Variants in LYST observed in about 807,000 individuals in gnomAD.
The protein encoded by LYST is lysosomal trafficking regulator, also known as lysosomal-trafficking regulator.
LYST carries 192 observed loss-of-function variants against 413.6 expected under a neutral mutation model. The observed-to-expected ratio is 0.46, with a 90% confidence interval of 0.41 to 0.52. LYST has a LOEUF of 0.52. Ranked by LOEUF, LYST falls within the 20% of genes least tolerant of loss-of-function variation. The pLI, the probability that LYST is intolerant of heterozygous loss-of-function variation, is 0.00. For missense variants in LYST, 3,815 were observed against 4,499.9 expected (o/e 0.85, Z 4.35); for synonymous variants, 1,525 against 1,567.3 (o/e 0.97, Z 0.64).
chr1:235,727,568 T>C (rs889905473), intron 38 of LYST, among the ~76,000 whole-genome samples: 6 of 152,180 alleles, frequency 3.9e-5, no homozygotes, highest in African/African-American at 1.2e-4. Flanking sequence ...AATATTTTAA[T>C]GGCATAAAAG....
intron 14 of LYST, 153 bp downstream of exon 14, chr1:235,787,047 T>C (rs1017249773): frequency 8.2e-6 from 5 of 607,416 alleles, no homozygotes; most frequent in African/African-American, 1.9e-5. Flanking sequence ...TAAAGTACAA[T>C]AATAATAAAA....
chr1:235,686,775 A>G lies in LYST; in HGVS notation c.10800+174T>C, dbSNP rs1660255838. On this transcript the variant is annotated intron_variant, in intron 48 of 52. Coordinates refer to ENST00000389793, the MANE Select transcript of LYST (RefSeq NM_000081.4). The surrounding 1 kb of genome is among the most constrained non-coding windows in gnomAD (Gnocchi z 4.0). ...AAATGGGACTACTACAATTGTTTTC[A>G]AGATTTTTCATGATTCTAATAAACC... is the stretch of plus-strand genomic sequence containing the variant. Among the ~76,000 whole-genome samples, 1 of 152,246 alleles carries G rather than the reference A, an allele frequency of 6.6e-6. No homozygotes were observed. The highest frequency in any genetic ancestry group is 1.5e-5 in the Non-Finnish European group (1 of 68,040).
chr1:235,782,103 A>G lies in LYST; in HGVS notation c.4863-16T>C. ...ATCAGGCTTCCTACATTAAAAACAA[A>G]ACAAAGTTAAAGCAATGACTTTAGG... On this transcript the variant is annotated splice_polypyrimidine_tract_variant and intron_variant, in intron 14 of 52. Transcript: ENST00000389793. 6.2e-7 allele frequency: 1 copy of G among 1,604,046 alleles called. No individual in the cohort carries two copies. The highest frequency in any genetic ancestry group is 1.1e-5 in the South Asian group (1 of 90,432).
chr1:235,800,683 T>C (rs969962964), intron 9 of LYST, among the ~76,000 whole-genome samples, 188 bp downstream of exon 9: 1 of 152,208 alleles, frequency 6.6e-6, no homozygotes, highest in Non-Finnish European at 1.5e-5. Flanking sequence ...TAATTTTCTA[T>C]GCTACTTTAG....
At chr1:235,817,125 A>G (rs1157946388) in intron 3 of LYST, among the ~76,000 whole-genome samples, 1 of 152,200 alleles carries the variant, frequency 6.6e-6, no homozygotes, top group Non-Finnish European at 1.5e-5. Flanking sequence ...AAAAATGCTC[A>G]ACATCACTAC....
chr1:235,739,045 A>C, intron 31 of LYST: 2 of 644,720 alleles, frequency 3.1e-6, no homozygotes, highest in Non-Finnish European at 6.0e-6. Context: ...TTTTAGTTGG[A>C]GGTTGTGCAT....
At chr1:235,846,638 A>G (rs1677912453) in intron 1 of LYST, among the ~76,000 whole-genome samples, 1 of 152,170 alleles carries the variant, frequency 6.6e-6, no homozygotes, top group Non-Finnish European at 1.5e-5. Flanking sequence ...ATAAGAAGTG[A>G]AGGGAGAAAT....
chr1:235,769,266 T>C (rs576120361), intron 20 of LYST, among the ~76,000 whole-genome samples: 3 of 152,008 alleles, frequency 2.0e-5, no homozygotes, highest in Non-Finnish European at 4.4e-5. Context: ...AAGAATACCA[T>C]GTACTCTGAG....
intron 1 of LYST, among the ~76,000 whole-genome samples, chr1:235,843,195 A>G (rs1003526193): frequency 2.0e-5 from 3 of 152,226 alleles, no homozygotes; most frequent in Admixed American, 6.5e-5. Context: ...AAGAAGGGAA[A>G]GGGGTCCATT....
At chr1:235,778,069 C>T (rs990140155) in intron 16 of LYST, among the ~76,000 whole-genome samples, 1 of 142,750 alleles carries the variant, frequency 7.0e-6, no homozygotes, top group Admixed American at 6.8e-5. Flanking sequence ...ACTACAGGCA[C>T]CTGCCACCAC....
chr1:235,715,091 A>T, intron 42 of LYST, 110 bp downstream of exon 42: 1 of 993,906 alleles, frequency 1.0e-6, no homozygotes, highest in Non-Finnish European at 1.6e-6. Context: ...TTTTTCCTGT[A>T]GTTTGATTAG....
chr1:235,711,564 C>A (rs1470519870), intron 43 of LYST, among the ~76,000 whole-genome samples: 2 of 152,146 alleles, frequency 1.3e-5, no homozygotes, highest in Non-Finnish European at 2.9e-5. Context: ...CTAAGGTTGG[C>A]AGCCAAGACT....
intron 1 of LYST, among the ~76,000 whole-genome samples, chr1:235,842,563 C>T (rs1205302243): frequency 1.3e-5 from 2 of 152,224 alleles, no homozygotes; most frequent in East Asian, 3.8e-4. Context: ...GAACAGAACA[C>T]AGCTAACAGC....
At chr1:235,862,805 A>AC (rs1491547491) in intron 1 of LYST, among the ~76,000 whole-genome samples, 25 of 94,292 alleles carry the variant, frequency 2.7e-4, no homozygotes, top group Non-Finnish European at 1.2e-4. Flanking sequence ...CAAAACAAAC[A>AC]AACACACACA....
chr1:235,723,625 C>T (rs561489749), intron 39 of LYST, among the ~76,000 whole-genome samples: 8 of 152,230 alleles, frequency 5.3e-5, no homozygotes, highest in African/African-American at 7.2e-5. Flanking sequence ...TAGAGGTTAC[C>T]GATGACCCTG....
At chr1:235,691,699 C>CCTTT (rs1660667200) in intron 47 of LYST, among the ~76,000 whole-genome samples, 1 of 141,992 alleles carries the variant, frequency 7.0e-6, no homozygotes, top group African/African-American at 2.6e-5. Context: ...CAGATTCTCT[C>CCTTT]TTTTTTTTTT....
intron 31 of LYST, among the ~76,000 whole-genome samples, chr1:235,739,992 G>A (rs897113850): frequency 1.3e-5 from 2 of 152,180 alleles, no homozygotes; most frequent in African/African-American, 2.4e-5. Context: ...TGTTAACACC[G>A]CAGTTGAATT....
At chr1:235,670,724 T>C (rs1658868615) in intron 50 of LYST, among the ~76,000 whole-genome samples, 1 of 152,114 alleles carries the variant, frequency 6.6e-6, no homozygotes, top group Admixed American at 6.6e-5. Flanking sequence ...AGTATGTGAA[T>C]GAGATGCACA....
In LYST at chr1:235,856,720, G is replaced by A. The variant is rs1051727481; in HGVS notation, c.-98+10123C>T. On this transcript the variant is annotated intron_variant, in intron 1 of 52. Coordinates refer to ENST00000389793, the MANE Select transcript of LYST (RefSeq NM_000081.4). ...ACATTCTCCAAAATGTTTAAATAAGGCTAATAGAGAAATATTTCAAGACTA... is the reference window on the plus strand; with the variant it reads ...ACATTCTCCAAAATGTTTAAATAAGACTAATAGAGAAATATTTCAAGACTA... 8.5e-5 allele frequency among the ~76,000 whole-genome samples: 13 copies of A among 152,196 alleles called. No individual in the cohort carries two copies. In the East Asian group the frequency reaches 2.5e-3, roughly 29 times the overall value.
Sources: gnomAD v4.1 joint callset for allele counts (sites outside exome capture counted in the v4.1 genomes callset) on GRCh38, gnomAD v4.1.1 for gene constraint, Gnocchi (gnomAD v3.1) non-coding constraint, MANE v1.5 for transcripts, NCBI Gene and HGNC (gene_info 2026-07-23, HGNC 2026-07-21) for gene names.